The following ELAVL4 variants were observed in gnomAD, a reference collection of about 807,000 sequenced individuals.
ELAVL4 encodes the protein ELAV like RNA binding protein 4.
ELAVL4 carries 1 observed loss-of-function variant against 35.6 expected under a neutral mutation model. That is an observed-to-expected ratio of 0.03 (90% CI 0.01 to 0.13). ELAVL4 has a LOEUF of 0.13. Among genes scored for constraint, ELAVL4 ranks in the 10% least tolerant of loss-of-function variants. The pLI is 1.00. For missense variants in ELAVL4, 267 were observed against 464.9 expected (o/e 0.57, Z 3.91); for synonymous variants, 156 against 171.0 (o/e 0.91, Z 0.69).
In ELAVL4 at chr1:50,177,564, A is replaced by G. The variant is rs535267861; in HGVS notation, c.354+372A>G. Reference sequence around the variant, plus strand: ...GGAAACAGCACATGCAAAGCTGTGAAAATGTAAGACGTTGTGAGCAGGGAC... The same window carrying G: ...GGAAACAGCACATGCAAAGCTGTGAGAATGTAAGACGTTGTGAGCAGGGAC... On this transcript the variant is annotated intron_variant, in intron 3 of 6. Coordinates refer to ENST00000371824, the MANE Select transcript of ELAVL4 (RefSeq NM_001144774.3). 2.0e-5 allele frequency among the ~76,000 whole-genome samples: 3 copies of G among 152,322 alleles called. No homozygotes were observed. The East Asian group carries it at 5.8e-4, about 29-fold the overall frequency.
chr1:50,128,084 T>C (rs1670249038), intron 1 of ELAVL4, among the ~76,000 whole-genome samples: 1 of 152,084 alleles, frequency 6.6e-6, no homozygotes. Flanking sequence ...AAGATGGTAC[T>C]TCAGATTTCA....
intron 1 of ELAVL4, among the ~76,000 whole-genome samples, chr1:50,110,829 A>G (rs922461102): frequency 5.3e-5 from 8 of 152,124 alleles, no homozygotes; most frequent in Non-Finnish European, 1.0e-4. Context: ...GTGTAAAACA[A>G]ATAAGATTAG....
At chr1:50,092,172 T>C (rs1157259909) in intron 1 of ELAVL4, among the ~76,000 whole-genome samples, 1 of 152,192 alleles carries the variant, frequency 6.6e-6, no homozygotes, top group Non-Finnish European at 1.5e-5. Flanking sequence ...CAAGTACATA[T>C]ATAGACAAGT....
chr1:50,176,769 C>T (rs916316924), intron 2 of ELAVL4, among the ~76,000 whole-genome samples: 4 of 152,328 alleles, frequency 2.6e-5, no homozygotes, highest in Admixed American at 1.3e-4. Flanking sequence ...GTTCTCTTTC[C>T]GCTACCATGT....
chr1:50,100,628 T>C (rs186793329), upstream of ELAVL4, among the ~76,000 whole-genome samples: 4 of 152,324 alleles, frequency 2.6e-5, no homozygotes, highest in African/African-American at 9.6e-5. Context: ...CCTTAGGCTA[T>C]TAGGATTCAT....
chr1:50,106,060 A>AATAC, upstream of ELAVL4: 1 of 400,582 alleles, frequency 2.5e-6, no homozygotes. Flanking sequence ...AAGTCAAGGA[A>AATAC]ATACAATTCA....
intron 1 of ELAVL4, among the ~76,000 whole-genome samples, chr1:50,125,242 A>T (rs906172132): frequency 1.9e-4 from 28 of 146,290 alleles, no homozygotes; most frequent in East Asian, 4.0e-4. Context: ...ATCTTTATTT[A>T]AAAAAAAAAA....
chr1:50,174,836 G>A (rs1322195154), intron 2 of ELAVL4: 4 of 152,276 alleles, frequency 2.6e-5, no homozygotes, highest in Non-Finnish European at 4.4e-5. Context: ...AAGATGGATA[G>A]TGTGTCAGGA....
intron 1 of ELAVL4, among the ~76,000 whole-genome samples, chr1:50,074,454 A>C (rs1443852426): frequency 6.6e-6 from 1 of 152,144 alleles, no homozygotes; most frequent in Non-Finnish European, 1.5e-5. Context: ...CATTGTTCGC[A>C]TTTCTGATTC....
intron 1 of ELAVL4, among the ~76,000 whole-genome samples, chr1:50,132,110 T>C (rs1444271084): frequency 6.6e-6 from 1 of 152,178 alleles, no homozygotes; most frequent in Non-Finnish European, 1.5e-5. Context: ...TTTTTTTCCA[T>C]TTCTACTTTG....
chr1:50,122,865 C>T (rs538457509), intron 1 of ELAVL4, among the ~76,000 whole-genome samples: 13 of 152,158 alleles, frequency 8.5e-5, no homozygotes, highest in Non-Finnish European at 1.2e-4. Flanking sequence ...GCCTCAGTTT[C>T]CACATTTTTA....
At chr1:50,072,560 G>A (rs1333812344) in intron 1 of ELAVL4, among the ~76,000 whole-genome samples, 1 of 152,098 alleles carries the variant, frequency 6.6e-6, no homozygotes, top group African/African-American at 2.4e-5. Flanking sequence ...AAGAGCTATG[G>A]ACAAATAACT....
chr1:50,183,794 T>C (rs112974027), intron 3 of ELAVL4, among the ~76,000 whole-genome samples: 333 of 152,320 alleles, frequency 2.2e-3, no homozygotes, highest in African/African-American at 7.7e-3. Flanking sequence ...TAAGCAATTA[T>C]TTCTCCTATC....
intron 1 of ELAVL4, among the ~76,000 whole-genome samples, chr1:50,072,192 G>T (rs1664560934): frequency 6.6e-6 from 1 of 152,148 alleles, no homozygotes; most frequent in Non-Finnish European, 1.5e-5. Flanking sequence ...ATGGGTTCAA[G>T]TCCTGAAGTA....
chr1:50,189,986 C>G (rs1682420060), intron 3 of ELAVL4, among the ~76,000 whole-genome samples: 1 of 152,188 alleles, frequency 6.6e-6, no homozygotes, highest in Non-Finnish European at 1.5e-5. Flanking sequence ...AGCTGAGGAG[C>G]TTGGAGGGAC....
At chr1:50,152,669 C>T (rs775882429) in intron 2 of ELAVL4, among the ~76,000 whole-genome samples, 2 of 152,290 alleles carry the variant, frequency 1.3e-5, no homozygotes, top group Non-Finnish European at 2.9e-5. Context: ...TCTGCCCCCT[C>T]GCCCCCATTC....
chr1:50,131,886 TAAAA>T (rs201687977), intron 1 of ELAVL4, among the ~76,000 whole-genome samples: 3 of 134,966 alleles, frequency 2.2e-5, no homozygotes, highest in Non-Finnish European at 4.8e-5. Context: ...AATTTATGTT[TAAAA>T]AAAAAAAAAA....
intron 1 of ELAVL4, among the ~76,000 whole-genome samples, chr1:50,111,811 T>C (rs1667119837): frequency 6.6e-6 from 1 of 152,126 alleles, no homozygotes; most frequent in East Asian, 1.9e-4. Flanking sequence ...TGTGCTTTAC[T>C]AATAGTCTCT....
chr1:50,136,721 G>A (rs1017401678), intron 1 of ELAVL4, among the ~76,000 whole-genome samples: 1 of 152,118 alleles, frequency 6.6e-6, no homozygotes, highest in African/African-American at 2.4e-5. Context: ...GCTGAAAGTA[G>A]AGGATAAGGG....
Sources: gnomAD v4.1 joint callset for allele counts (sites outside exome capture counted in the v4.1 genomes callset) on GRCh38, gnomAD v4.1.1 for gene constraint, MANE v1.5 for transcripts, NCBI Gene and HGNC (gene_info 2026-07-23, HGNC 2026-07-21) for gene names.